The following PAK3 variants were observed in gnomAD, a reference collection of about 807,000 sequenced individuals.
PAK3 encodes serine/threonine-protein kinase PAK 3.
A neutral mutation model predicts 41.0 loss-of-function variants in PAK3; 4 were observed. The ratio of observed to expected loss-of-function variants is 0.10; its 90% CI spans 0.05 to 0.22. The LOEUF is 0.22. Ranked by LOEUF, PAK3 falls within the 10% of genes least tolerant of loss-of-function variation. The probability of loss-of-function intolerance (pLI) is 1.00; values close to 1 mark genes in which losing one functional copy is unlikely to be tolerated. For synonymous variants in PAK3, 146 were observed against 139.6 expected (o/e 1.05, Z -0.32); for missense variants, 205 against 409.9 (o/e 0.50, Z 4.32).
At chrX:111,087,050 C>T (rs2092891211) in intron 1 of PAK3, among the ~76,000 whole-genome samples, 2 of 110,540 alleles carry the variant, frequency 1.8e-5, no homozygotes, top group South Asian at 7.8e-4. Flanking sequence ...GCAACTTGCC[C>T]CCTTTCCTTT....
chrX:111,139,906 A>G (rs2093847554), intron 5 of PAK3, among the ~76,000 whole-genome samples: 1 of 111,442 alleles, frequency 9.0e-6, no homozygotes, highest in Admixed American at 9.5e-5. Context: ...ATATGTATAT[A>G]GTACATTTTT....
chrX:111,116,527 A>G (rs1363295696), intron 4 of PAK3, among the ~76,000 whole-genome samples: 2 of 112,158 alleles, frequency 1.8e-5, no homozygotes, highest in Admixed American at 9.5e-5. Context: ...AAAAATAACT[A>G]TACTTAAGAA....
intron 1 of PAK3, among the ~76,000 whole-genome samples, chrX:111,057,864 A>C (rs989007599): frequency 9.0e-6 from 1 of 111,724 alleles, no homozygotes; most frequent in Admixed American, 9.5e-5. Flanking sequence ...ACCAGCAACC[A>C]CTAATTTACT....
chrX:111,015,966 G>A (rs2092083649), intron 1 of PAK3, among the ~76,000 whole-genome samples: 1 of 112,029 alleles, frequency 8.9e-6, no homozygotes, highest in Non-Finnish European at 1.9e-5. Context: ...TAAGTTCAAT[G>A]TAGTCATATT....
At chrX:111,114,269 C>G (rs2148956518) in intron 4 of PAK3, among the ~76,000 whole-genome samples, 1 of 111,997 alleles carries the variant, frequency 8.9e-6, no homozygotes, top group African/African-American at 3.2e-5. Context: ...AGCCTATAAC[C>G]TCACTCAGAG....
chrX:110,945,532 T>G (rs759195304), intron 1 of PAK3, among the ~76,000 whole-genome samples: 4 of 111,904 alleles, frequency 3.6e-5, no homozygotes, highest in Non-Finnish European at 5.6e-5. Context: ...GTTTCCTCTC[T>G]CAGCCAATGA....
chrX:111,177,003 C>T (rs760675198), intron 11 of PAK3, among the ~76,000 whole-genome samples: 1 of 101,584 alleles, frequency 9.8e-6, no homozygotes, highest in Non-Finnish European at 2.0e-5. Context: ...CTTATATTAA[C>T]TTTCTTTTTA....
At chrX:110,980,516 G>T (rs906084841) in intron 1 of PAK3, among the ~76,000 whole-genome samples, 6 of 111,241 alleles carry the variant, frequency 5.4e-5, no homozygotes, top group Admixed American at 2.9e-4. Context: ...CTGCTTTTCT[G>T]TCTATTGTAG....
intron 16 of PAK3, among the ~76,000 whole-genome samples, chrX:111,199,892 A>C (rs746914021): frequency 5.5e-4 from 62 of 112,111 alleles, no homozygotes; most frequent in African/African-American, 2.0e-3. Flanking sequence ...GGTATGAAAG[A>C]AATGCTTACT....
At chrX:111,048,395 T>C (rs1490988458) in intron 1 of PAK3, among the ~76,000 whole-genome samples, 4 of 111,633 alleles carry the variant, frequency 3.6e-5, no homozygotes, top group Non-Finnish European at 7.5e-5. Flanking sequence ...CTCATATTCA[T>C]ATCTTCAGCT....
At chrX:111,157,710 C>G (rs771763869) in intron 8 of PAK3, among the ~76,000 whole-genome samples, 99 of 109,294 alleles carry the variant, frequency 9.1e-4, no homozygotes, top group African/African-American at 3.0e-3. Flanking sequence ...TCGCTTGAAC[C>G]CAGGAGGTGG....
chrX:111,103,126 GT>G (rs1293128133), intron 3 of PAK3, 32 bp from the exon 4 acceptor site: 1 of 110,970 alleles, frequency 9.0e-6, no homozygotes, highest in African/African-American at 3.3e-5. Flanking sequence ...GGGGAAAGAG[GT>G]TCCCTCTCCC....
At chrX:111,057,962 T>A (rs981870153) in intron 1 of PAK3, among the ~76,000 whole-genome samples, 1 of 112,512 alleles carries the variant, frequency 8.9e-6, no homozygotes, top group East Asian at 2.8e-4. Flanking sequence ...CTTCTTTTGC[T>A]TAGCCATACT....
At chrX:110,945,327 G>A (rs184410360) in intron 1 of PAK3, among the ~76,000 whole-genome samples, 2 of 111,676 alleles carry the variant, frequency 1.8e-5, no homozygotes, top group African/African-American at 6.5e-5. Context: ...CCAGACTGCA[G>A]CAACACGCAG....
intron 1 of PAK3, among the ~76,000 whole-genome samples, chrX:111,015,112 C>T (rs1602790562): frequency 9.0e-6 from 1 of 110,540 alleles, no homozygotes; most frequent in East Asian, 2.9e-4. Context: ...AGTAGTATAA[C>T]TAGCAAGTTA....
intron 1 of PAK3, among the ~76,000 whole-genome samples, chrX:110,953,163 A>G (rs1422690993): frequency 1.8e-5 from 2 of 111,640 alleles, no homozygotes; most frequent in Non-Finnish European, 3.8e-5. Flanking sequence ...TTAGAACTGG[A>G]AGGGGATGTC....
chrX:111,009,049 T>C (rs2091973548), intron 1 of PAK3, among the ~76,000 whole-genome samples: 2 of 111,067 alleles, frequency 1.8e-5, no homozygotes, highest in South Asian at 3.9e-4. Context: ...GTAAAATTCA[T>C]ATAACAGAAA....
At chrX:111,177,068 A>G (rs1182043024) in intron 11 of PAK3, among the ~76,000 whole-genome samples, 1 of 109,819 alleles carries the variant, frequency 9.1e-6, no homozygotes, top group Non-Finnish European at 1.9e-5. Flanking sequence ...TAAGTTATAT[A>G]AACTAGTAGT....
intron 1 of PAK3, among the ~76,000 whole-genome samples, chrX:111,044,714 C>T (rs191172625): frequency 1.1e-3 from 127 of 112,465 alleles, no homozygotes; most frequent in African/African-American, 3.9e-3. Flanking sequence ...AGAGAAGCTA[C>T]ATACCAGCAT....
Sources: allele counts gnomAD v4.1 joint callset (sites outside exome capture counted in the v4.1 genomes callset), GRCh38; gene constraint gnomAD v4.1.1; transcripts MANE v1.5; gene names NCBI Gene and HGNC (gene_info 2026-07-23, HGNC 2026-07-21).